Variants in TMEM131L observed in about 807,000 individuals in gnomAD.
The protein encoded by TMEM131L is transmembrane protein 131-like.
In TMEM131L, 54 loss-of-function variants were observed where a neutral mutation model predicts 192.2. The observed-to-expected ratio is 0.28, with a 90% CI of 0.23 to 0.35. The LOEUF is 0.35. TMEM131L is among the 10% of genes least tolerant of loss of function. The probability of loss-of-function intolerance (pLI) is 1.00; values close to 1 mark genes in which losing one functional copy is unlikely to be tolerated. For synonymous variants in TMEM131L, 701 were observed against 704.9 expected (o/e 0.99, Z 0.09); for missense variants, 1,888 against 1,972.9 (o/e 0.96, Z 0.82).
In TMEM131L at chr4:153,483,041, G is replaced by GA. The variant is rs575044980; in HGVS notation, c.239+9162dup. 2.9e-3 allele frequency among the ~76,000 whole-genome samples: 426 copies of GA among 149,316 alleles called. 1 individual carries two copies. Among genetic ancestry groups the GA allele is most frequent in the Non-Finnish European group, 4.5e-3 (301 of 67,250 alleles). ...AATTACTTAATTCTTTAAGAATTTTGAAAAAAAAATAATTTTGAAGGGTTA... is the reference window on the plus strand; with the variant it reads ...AATTACTTAATTCTTTAAGAATTTTGAAAAAAAAAATAATTTTGAAGGGTTA... On this transcript the variant is annotated intron_variant, in intron 3 of 34. Coordinates refer to ENST00000409959, the MANE Select transcript of TMEM131L (RefSeq NM_001131007.2).
intron 3 of TMEM131L, among the ~76,000 whole-genome samples, chr4:153,507,716 C>T (rs1734082083): frequency 6.6e-6 from 1 of 151,856 alleles, no homozygotes; most frequent in African/African-American, 2.4e-5. Flanking sequence ...AGATGCAAAA[C>T]AAAAAAACAA....
intron 2 of TMEM131L, among the ~76,000 whole-genome samples, chr4:153,470,164 T>C (rs1731054722): frequency 6.6e-6 from 1 of 152,118 alleles, no homozygotes; most frequent in African/African-American, 2.4e-5. Flanking sequence ...CTCAGCCCTA[T>C]CCCTTTTTAG....
At chr4:153,530,811 T>C (rs1735843128) in intron 3 of TMEM131L, among the ~76,000 whole-genome samples, 1 of 152,158 alleles carries the variant, frequency 6.6e-6, no homozygotes, top group South Asian at 2.1e-4. Flanking sequence ...GATAGCTTCC[T>C]GAGGCCCCCC....
Position 153,559,012 on chromosome 4 carries a change from C to G in TMEM131L, c.660+644C>G, listed in dbSNP as rs78773774. Reference sequence around the variant, plus strand: ...TTTATAATTGAGAAAAGCTCTTGAACCAATATATTATGAAACTTACCTCTT... The same window carrying G: ...TTTATAATTGAGAAAAGCTCTTGAAGCAATATATTATGAAACTTACCTCTT... On this transcript the variant is annotated intron_variant, in intron 7 of 34. Transcript: ENST00000409959. Among the ~76,000 whole-genome samples the G allele has an allele frequency of 1.5e-4, 23 of 152,272 alleles. No individual in the cohort carries two copies. In the East Asian group the frequency reaches 3.7e-3, roughly 24 times the overall value.
At chr4:153,632,094 G>T (rs1308490636) in intron 31 of TMEM131L, among the ~76,000 whole-genome samples, 1 of 152,178 alleles carries the variant, frequency 6.6e-6, no homozygotes, top group Admixed American at 6.5e-5. Flanking sequence ...CAGTGGATCA[G>T]TTGAGGCCAG....
At chr4:153,551,743 T>A (rs1737639905) in intron 4 of TMEM131L, among the ~76,000 whole-genome samples, 1 of 152,196 alleles carries the variant, frequency 6.6e-6, no homozygotes, top group South Asian at 2.1e-4. Context: ...TTTGCCGACT[T>A]TATAAAATTC....
intron 3 of TMEM131L, among the ~76,000 whole-genome samples, chr4:153,474,232 G>A (rs895096205): frequency 1.3e-5 from 2 of 152,174 alleles, no homozygotes; most frequent in African/African-American, 2.4e-5. Flanking sequence ...CCTCTGTTTC[G>A]TGTAGTGGGC....
intron 3 of TMEM131L, among the ~76,000 whole-genome samples, chr4:153,528,597 A>G (rs1561161677): frequency 6.6e-6 from 1 of 152,044 alleles, no homozygotes; most frequent in Non-Finnish European, 1.5e-5. Context: ...CATTCTTTTT[A>G]ATGTTTTTCC....
intron 3 of TMEM131L, among the ~76,000 whole-genome samples, chr4:153,484,677 T>C (rs1363129363): frequency 2.0e-5 from 3 of 148,256 alleles, no homozygotes; most frequent in South Asian, 4.3e-4. Context: ...ACCATGTTAC[T>C]CAGGATGGTC....
At chr4:153,578,019 G>A (rs886089669) in intron 7 of TMEM131L, among the ~76,000 whole-genome samples, 1 of 152,200 alleles carries the variant, frequency 6.6e-6, no homozygotes, top group African/African-American at 2.4e-5. Flanking sequence ...ATAACTCAGT[G>A]TCTGATGGTT....
At position 153,603,338 on chromosome 4, in the gene TMEM131L, A is replaced by G; in HGVS notation, c.2675A>G (p.Gln892Arg). 4 of 1,613,922 alleles carry G rather than the reference A, an allele frequency of 2.5e-6. No individual in the cohort carries two copies. Among genetic ancestry groups the G allele is most frequent in the Middle Eastern group, 1.7e-4 (1 of 6,058 alleles). The change falls in exon 24 of 35, where the codon CAA (glutamine) becomes CGA (arginine). Residue 892 changes from glutamine to arginine, a missense_variant. Physicochemically the swap from Gln to Arg is conservative, Grantham distance 43. Coordinates refer to ENST00000409959, the MANE Select transcript of TMEM131L (RefSeq NM_001131007.2). ...TTGGGTGTGATTTTAATAGCCTTCC[A>G]ACAAGCACAGTACATTCTCATGGAA... ...SLLGVILIAF[Q>R]QAQYILMEFM... is the part of the protein sequence containing the mutation.
At chr4:153,509,672 G>A (rs887772426) in intron 3 of TMEM131L, among the ~76,000 whole-genome samples, 2 of 152,152 alleles carry the variant, frequency 1.3e-5, no homozygotes, top group South Asian at 2.1e-4. Context: ...AGCTGAGATC[G>A]TACCACTGCA....
chr4:153,520,338 G>A (rs1292405601), intron 3 of TMEM131L, among the ~76,000 whole-genome samples: 1 of 152,060 alleles, frequency 6.6e-6, no homozygotes, highest in Non-Finnish European at 1.5e-5. Flanking sequence ...GGGTGTAGTG[G>A]CACTCGTCCG....
At chr4:153,563,123 C>G (rs935059271) in intron 7 of TMEM131L, among the ~76,000 whole-genome samples, 7 of 152,154 alleles carry the variant, frequency 4.6e-5, no homozygotes, top group African/African-American at 1.7e-4. Context: ...CCAAGGATCC[C>G]TGAACATAAA....
At chr4:153,521,391 A>G (rs567122698) in intron 3 of TMEM131L, among the ~76,000 whole-genome samples, 1 of 152,330 alleles carries the variant, frequency 6.6e-6, no homozygotes, top group South Asian at 2.1e-4. Flanking sequence ...TCTACATTAT[A>G]ATCACTAGAA....
intron 25 of TMEM131L, among the ~76,000 whole-genome samples, chr4:153,607,899 C>G (rs1322619611): frequency 2.0e-5 from 3 of 152,180 alleles, no homozygotes; most frequent in African/African-American, 7.2e-5. Flanking sequence ...CCAGGCCAGC[C>G]TGGGCAACCT....
chr4:153,538,965 C>T (rs918236522), intron 3 of TMEM131L, among the ~76,000 whole-genome samples: 7 of 152,096 alleles, frequency 4.6e-5, no homozygotes, highest in African/African-American at 9.7e-5. Context: ...GTCCCGTGGC[C>T]GTACCCAGAT....
chr4:153,486,444 A>T (rs1050196910), intron 3 of TMEM131L, among the ~76,000 whole-genome samples: 1 of 152,190 alleles, frequency 6.6e-6, no homozygotes, highest in African/African-American at 2.4e-5. Flanking sequence ...CAAAACCCTG[A>T]CTCAACCAGC....
intron 3 of TMEM131L, among the ~76,000 whole-genome samples, chr4:153,525,896 C>T (rs888613050): frequency 6.6e-5 from 10 of 151,456 alleles, no homozygotes; most frequent in Admixed American, 1.3e-4. Flanking sequence ...CTCGCTCTGT[C>T]GCCAGGCTAG....
Sources: allele counts gnomAD v4.1 joint callset (sites outside exome capture counted in the v4.1 genomes callset), GRCh38; gene constraint gnomAD v4.1.1; transcripts MANE v1.5; gene names NCBI Gene and HGNC (gene_info 2026-07-23, HGNC 2026-07-21).